Variants in NRG3 observed in about 807,000 individuals in gnomAD.
NRG3 encodes the protein pro-neuregulin-3, membrane-bound isoform.
NRG3 carries 31 observed loss-of-function variants against 66.9 expected under a neutral mutation model. The ratio of observed to expected loss-of-function variants is 0.46; its 90% CI spans 0.35 to 0.63. The LOEUF (loss-of-function observed/expected upper bound fraction) is 0.63. NRG3 is among the 20% of genes least tolerant of loss of function. The pLI, the probability that NRG3 is intolerant of heterozygous loss-of-function variation, is 0.00. For synonymous variants in NRG3, 393 were observed against 359.4 expected (o/e 1.09, Z -1.06); for missense variants, 910 against 878.9 (o/e 1.04, Z -0.45).
chr10:82,233,779 T>C (rs2076619925), intron 1 of NRG3, among the ~76,000 whole-genome samples: 1 of 152,100 alleles, frequency 6.6e-6, no homozygotes, highest in Non-Finnish European at 1.5e-5. Flanking sequence ...TTTAATTCCA[T>C]TACTCTTCCC....
At chr10:82,169,852 T>C (rs2072426354) in intron 1 of NRG3, among the ~76,000 whole-genome samples, 2 of 151,934 alleles carry the variant, frequency 1.3e-5, no homozygotes, top group Admixed American at 6.6e-5. Flanking sequence ...CTTTATATTG[T>C]TTTCCAACAT....
intron 1 of NRG3, among the ~76,000 whole-genome samples, chr10:81,889,993 A>G (rs977761402): frequency 1.3e-5 from 2 of 152,188 alleles, no homozygotes; most frequent in Non-Finnish European, 2.9e-5. Flanking sequence ...TTTATGATAA[A>G]TAATGAAATG....
chr10:82,704,864 A>G (rs1439221736), intron 2 of NRG3, among the ~76,000 whole-genome samples: 1 of 152,202 alleles, frequency 6.6e-6, no homozygotes, highest in Non-Finnish European at 1.5e-5. Context: ...TCATAATTCA[A>G]TTTTATAGTT....
At chr10:82,044,501 CAT>C (rs1235272112) in intron 1 of NRG3, among the ~76,000 whole-genome samples, 1 of 152,020 alleles carries the variant, frequency 6.6e-6, no homozygotes. Context: ...GCCAACACCA[CAT>C]AGACAGCGAC....
In NRG3 at chr10:81,903,996, AT is replaced by A. The variant is rs555278247; in HGVS notation, c.823+27845del. On this transcript the variant is annotated intron_variant, in intron 1 of 8. Coordinates refer to ENST00000372141, the MANE Select transcript of NRG3 (RefSeq NM_001010848.4). ...TGTGTATATATATATATATATATAT[AT>A]TTTTTTTTTTTGTTTGTTTGTTTGT... 7.4e-3 allele frequency among the ~76,000 whole-genome samples: 681 copies of A among 91,952 alleles called. 3 individuals are homozygous for A. Among genetic ancestry groups the A allele is most frequent in the East Asian group, 0.046 (87 of 1,902 alleles). The allele number at this position is 91,952 out of a possible 152,430, so 60.3% of individuals were successfully genotyped here. A position where few individuals can be genotyped will look rare whatever the true frequency, so the allele number is the denominator to read the frequency against.
At chr10:82,563,584 C>A (rs1008579053) in intron 2 of NRG3, among the ~76,000 whole-genome samples, 5 of 151,400 alleles carry the variant, frequency 3.3e-5, no homozygotes, top group Admixed American at 2.0e-4. Flanking sequence ...ATTTTATTTT[C>A]TTTAAATACA....
At chr10:82,677,060 CTCTT>C (rs1407816337) in intron 2 of NRG3, among the ~76,000 whole-genome samples, 27 of 143,488 alleles carry the variant, frequency 1.9e-4, no homozygotes, top group African/African-American at 7.6e-4. Context: ...CTCTCTCTCT[CTCTT>C]TTTTTTTTTT....
intron 1 of NRG3, among the ~76,000 whole-genome samples, chr10:82,129,690 C>T (rs1332591839): frequency 6.6e-6 from 1 of 151,976 alleles, no homozygotes; most frequent in African/African-American, 2.4e-5. Flanking sequence ...TCTCCTGGCT[C>T]AGCCTCCCAA....
At chr10:82,099,537 G>A (rs1298637344) in intron 1 of NRG3, among the ~76,000 whole-genome samples, 2 of 152,122 alleles carry the variant, frequency 1.3e-5, no homozygotes, top group Admixed American at 6.5e-5. Flanking sequence ...TTTCAAAGTT[G>A]TTTTGGCTAT....
intron 3 of NRG3, among the ~76,000 whole-genome samples, chr10:82,754,361 CA>C (rs1347610413): frequency 6.6e-6 from 1 of 151,574 alleles, no homozygotes; most frequent in African/African-American, 2.4e-5. Flanking sequence ...CCATATCCCC[CA>C]AAATTTGTAT....
chr10:82,620,261 G>A (rs998690806), intron 2 of NRG3, among the ~76,000 whole-genome samples: 7 of 152,212 alleles, frequency 4.6e-5, no homozygotes, highest in African/African-American at 1.7e-4. Context: ...CAAAGGACTA[G>A]TGTGACAGCC....
chr10:82,946,017 T>C (rs1564653823), intron 4 of NRG3, among the ~76,000 whole-genome samples: 1 of 151,994 alleles, frequency 6.6e-6, no homozygotes, highest in Non-Finnish European at 1.5e-5. Flanking sequence ...GACAGAAATA[T>C]GCATTTGTTA....
At chr10:82,696,050 A>G (rs1307463158) in intron 2 of NRG3, among the ~76,000 whole-genome samples, 2 of 152,186 alleles carry the variant, frequency 1.3e-5, no homozygotes, top group Non-Finnish European at 2.9e-5. Flanking sequence ...TCTTCAATCC[A>G]TTCTTTGCCT....
chr10:82,363,037 T>A (rs2084288236), intron 2 of NRG3, among the ~76,000 whole-genome samples: 1 of 152,154 alleles, frequency 6.6e-6, no homozygotes, highest in South Asian at 2.1e-4. Context: ...TGACACAGCA[T>A]TTTTTTATCT....
intron 3 of NRG3, among the ~76,000 whole-genome samples, chr10:82,741,338 A>G (rs970614411): frequency 6.6e-6 from 1 of 152,138 alleles, no homozygotes; most frequent in African/African-American, 2.4e-5. Flanking sequence ...AAACATGGGG[A>G]TGAATTTGGT....
intron 2 of NRG3, among the ~76,000 whole-genome samples, chr10:82,731,587 A>T (rs61863589): frequency 0.16 from 23,469 of 150,590 alleles, 2,281 homozygotes; most frequent in South Asian, 0.24. Context: ...GTTGTCACAA[A>T]TGACAGAATT....
intron 4 of NRG3, among the ~76,000 whole-genome samples, chr10:82,919,984 G>A (rs34104751): frequency 0.49 from 74,842 of 151,814 alleles, 19,794 homozygotes; most frequent in East Asian, 0.68. Context: ...AATAAAAGAT[G>A]TTTGAAAATG....
chr10:82,853,210 C>T (rs904605703), intron 3 of NRG3, among the ~76,000 whole-genome samples: 1 of 152,088 alleles, frequency 6.6e-6, no homozygotes, highest in Non-Finnish European at 1.5e-5. Context: ...CCAAAGATGG[C>T]CTGAATGAAA....
intron 1 of NRG3, among the ~76,000 whole-genome samples, chr10:82,049,646 T>C (rs11819168): frequency 0.25 from 38,076 of 151,892 alleles, 4,895 homozygotes; most frequent in Middle Eastern, 0.33. Context: ...TAGATTGCAG[T>C]GAGAAAAGCC....
Sources: gnomAD v4.1 joint callset for allele counts (sites outside exome capture counted in the v4.1 genomes callset) on GRCh38, gnomAD v4.1.1 for gene constraint, MANE v1.5 for transcripts, NCBI Gene and HGNC (gene_info 2026-07-23, HGNC 2026-07-21) for gene names.